The following GNG7 variants were observed in gnomAD, a reference collection of about 807,000 sequenced individuals.
GNG7 encodes the protein guanine nucleotide-binding protein G(I)/G(S)/G(O) subunit gamma-7.
In GNG7, 1 loss-of-function variant was observed where a neutral mutation model predicts 4.0. The observed-to-expected ratio is 0.25, with a 90% CI of 0.09 to 1.18. The LOEUF is 1.18. GNG7 is among the 50% of genes most tolerant of loss of function. GNG7 has a pLI of 0.50. For synonymous variants in GNG7, 34 were observed against 36.9 expected (o/e 0.92, Z 0.29); for missense variants, 86 against 91.9 (o/e 0.94, Z 0.26).
intron 2 of GNG7, among the ~76,000 whole-genome samples, chr19:2,603,361 G>A (rs1237163431): frequency 2.0e-5 from 3 of 152,228 alleles, no homozygotes; most frequent in South Asian, 2.1e-4. Flanking sequence ...CGCCGTGCCC[G>A]GCCTAAAGCT....
At chr19:2,668,235 GAC>G (rs1221154254) in intron 1 of GNG7, among the ~76,000 whole-genome samples, 7 of 150,418 alleles carry the variant, frequency 4.7e-5, no homozygotes, top group South Asian at 4.2e-4. Flanking sequence ...AAAAAAAAGA[GAC>G]AGAGAGAAGA....
chr19:2,628,994 G>T (rs1448665385), intron 2 of GNG7, among the ~76,000 whole-genome samples: 2 of 152,158 alleles, frequency 1.3e-5, no homozygotes, highest in Non-Finnish European at 2.9e-5. Flanking sequence ...GGGGGTCTTG[G>T]GCGCCATCTT....
At chr19:2,670,825 C>T (rs551462414) in intron 1 of GNG7, among the ~76,000 whole-genome samples, 8 of 152,060 alleles carry the variant, frequency 5.3e-5, no homozygotes, top group Admixed American at 6.5e-5. Flanking sequence ...ACAGAATCAT[C>T]CACCATTGAC....
chr19:2,667,651 A>G (rs977920122), intron 1 of GNG7, among the ~76,000 whole-genome samples: 6 of 152,140 alleles, frequency 3.9e-5, no homozygotes, highest in Non-Finnish European at 8.8e-5. Context: ...GCAATGGCTC[A>G]TGCCTGTAAT....
Position 2,511,336 on chromosome 19 carries a change from GAAAT to G in GNG7, c.*3682_*3685del, listed in dbSNP as rs992233995. 1 of 152,290 alleles carries G rather than the reference GAAAT, an allele frequency of 6.6e-6. No individual in the cohort carries two copies. Among genetic ancestry groups the G allele is most frequent in the African/African-American group, 2.4e-5 (1 of 41,456 alleles). The allele number at this position is 152,290 out of a possible 1,614,324, so 9.4% of individuals were successfully genotyped here. ...CACACCTGGAATTTTAAAAAAGTCAGAAATAAAAACAACCAGACATCCCAATGCA... is the reference window on the plus strand; with the variant it reads ...CACACCTGGAATTTTAAAAAAGTCAGAAAAACAACCAGACATCCCAATGCA... On this transcript the variant is annotated 3_prime_UTR_variant, in exon 5 of 5. Coordinates refer to ENST00000382159, the MANE Select transcript of GNG7 (RefSeq NM_052847.3). The surrounding 1 kb of genome is among the most constrained non-coding windows in gnomAD (Gnocchi z 6.3).
Position 2,558,459 on chromosome 19 carries a change from C to T in GNG7, c.-77-3271G>A, listed in dbSNP as rs538776678. Among the ~76,000 whole-genome samples the T allele has an allele frequency of 1.1e-3, 163 of 152,186 alleles. 2 individuals are homozygous for T. The highest frequency in any genetic ancestry group is 3.9e-3 in the African/African-American group (162 of 41,512). On this transcript the variant is annotated intron_variant, in intron 2 of 4. Transcript: ENST00000382159. The stretch of plus-strand genomic sequence containing the variant: ...ATGTTGCCCAGGCTGGTCTCAAACT[C>T]CTGGGCCCAAGCGATCCTCCCACCT...
intron 3 of GNG7, among the ~76,000 whole-genome samples, chr19:2,544,650 C>A (rs990584093): frequency 6.6e-6 from 1 of 152,198 alleles, no homozygotes; most frequent in Non-Finnish European, 1.5e-5. Flanking sequence ...CTTGGCCTCT[C>A]AAAGTGCTGG....
chr19:2,666,442 G>A (rs1270436094), intron 1 of GNG7, among the ~76,000 whole-genome samples: 1 of 152,176 alleles, frequency 6.6e-6, no homozygotes, highest in Non-Finnish European at 1.5e-5. Flanking sequence ...CAACGTCCTG[G>A]GATTACATAG....
chr19:2,517,655 G>T (rs7249910), intron 4 of GNG7, among the ~76,000 whole-genome samples: 2 of 152,046 alleles, frequency 1.3e-5, no homozygotes, highest in Non-Finnish European at 2.9e-5. Flanking sequence ...ATGAGCCACC[G>T]TGCCTGGCCT....
chr19:2,673,144 C>T (rs1983501630), intron 1 of GNG7, among the ~76,000 whole-genome samples: 1 of 151,942 alleles, frequency 6.6e-6, no homozygotes, highest in Admixed American at 6.6e-5. Flanking sequence ...GTAGTCCCAG[C>T]TACTCAGGAG....
Position 2,511,449 on chromosome 19 carries a change from C to G in GNG7, c.*3573G>C, listed in dbSNP as rs1409181460. On this transcript the variant is annotated 3_prime_UTR_variant, in exon 5 of 5. Transcript: ENST00000382159. The surrounding 1 kb of genome is among the most constrained non-coding windows in gnomAD (Gnocchi z 6.3). The stretch of plus-strand genomic sequence containing the variant: ...ACGAAGGTTAGATGGGCAGCGGTTC[C>G]GTGGACAGAGGAGGAGGCGCGGCTG... The G allele has an allele frequency of 1.3e-5, 2 of 152,562 alleles. No homozygotes were observed. The highest frequency in any genetic ancestry group is 3.9e-4 in the East Asian group (2 of 5,192). 9.5% of individuals were successfully genotyped at this position (152,562 alleles called of 1,614,324 possible).
At chr19:2,616,794 T>C (rs1981736009) in intron 2 of GNG7, among the ~76,000 whole-genome samples, 2 of 151,286 alleles carry the variant, frequency 1.3e-5, no homozygotes, top group Non-Finnish European at 3.0e-5. Flanking sequence ...CAGACAAATA[T>C]AGCTGGTGGG....
chr19:2,643,999 C>T (rs72978723), intron 2 of GNG7: 29,127 of 176,650 alleles, frequency 0.16, 2,741 homozygotes, highest in African/African-American at 0.24. Context: ...TTTATATCTA[C>T]ACTTTTTGCA....
chr19:2,563,752 G>C (rs571733831), intron 2 of GNG7, among the ~76,000 whole-genome samples: 2 of 152,130 alleles, frequency 1.3e-5, no homozygotes, highest in African/African-American at 2.4e-5. Context: ...AAAGTGCTGG[G>C]ATAATAGGCA....
intron 2 of GNG7, among the ~76,000 whole-genome samples, chr19:2,620,713 C>T (rs973138552): frequency 6.6e-6 from 1 of 152,028 alleles, no homozygotes; most frequent in African/African-American, 2.4e-5. Flanking sequence ...TGGTGTTGTG[C>T]GCCTGTAATC....
chr19:2,604,622 G>A (rs1276327211), intron 2 of GNG7, among the ~76,000 whole-genome samples: 2 of 111,630 alleles, frequency 1.8e-5, no homozygotes, highest in Non-Finnish European at 3.4e-5. Context: ...CCTGGGCAAC[G>A]GAGCAAGACC....
At chr19:2,555,904 C>A (rs2144763513) in intron 2 of GNG7, among the ~76,000 whole-genome samples, 1 of 151,608 alleles carries the variant, frequency 6.6e-6, no homozygotes, top group South Asian at 2.1e-4. Flanking sequence ...GTGCACGGAT[C>A]GCGAGGGGGG....
At chr19:2,535,032 T>C (rs910247829) in intron 3 of GNG7, among the ~76,000 whole-genome samples, 2 of 152,204 alleles carry the variant, frequency 1.3e-5, no homozygotes, top group African/African-American at 2.4e-5. Context: ...GTGCACCCCA[T>C]GGACCAGTCA....
intron 2 of GNG7, among the ~76,000 whole-genome samples, chr19:2,578,282 C>T (rs898988429): frequency 5.3e-5 from 8 of 152,224 alleles, no homozygotes; most frequent in South Asian, 4.2e-4. Flanking sequence ...CCGTTAGAGC[C>T]GGGGGCCCTC....
Sources: gnomAD v4.1 joint callset for allele counts (sites outside exome capture counted in the v4.1 genomes callset) on GRCh38, gnomAD v4.1.1 for gene constraint, Gnocchi (gnomAD v3.1) non-coding constraint, MANE v1.5 for transcripts, NCBI Gene and HGNC (gene_info 2026-07-23, HGNC 2026-07-21) for gene names.